Variants in BLVRB observed in about 807,000 individuals in gnomAD.
The protein encoded by BLVRB is biliverdin reductase B.
BLVRB carries 25 observed loss-of-function variants against 21.1 expected under a neutral mutation model. The observed-to-expected ratio is 1.19, with a 90% CI of 0.86 to 1.66. BLVRB has a LOEUF of 1.66. Among genes scored for constraint, BLVRB ranks in the 40% most tolerant of loss-of-function variants. The pLI is 0.00. For synonymous variants in BLVRB, 128 were observed against 122.2 expected (o/e 1.05, Z -0.31); for missense variants, 274 against 282.7 (o/e 0.97, Z 0.22).
chr19:40,450,429 C>CT (rs1403430477), intron 4 of BLVRB: 1 of 147,550 alleles, frequency 6.8e-6, no homozygotes, highest in African/African-American at 2.5e-5. Context: ...GGGGTTTCAC[C>CT]ATGTTAGCCA....
chr19:40,464,088 A>AT (rs1032388709), intron 1 of BLVRB, among the ~76,000 whole-genome samples: 1 of 149,206 alleles, frequency 6.7e-6, no homozygotes, highest in Non-Finnish European at 1.5e-5. Flanking sequence ...CTTTTTATGT[A>AT]TTTTTTTAAA....
intron 3 of BLVRB, chr19:40,457,877 C>T (rs773217911): frequency 4.8e-6 from 2 of 416,240 alleles, no homozygotes; most frequent in South Asian, 3.7e-5. Context: ...GCCCTATCCC[C>T]TCTGCCTGCC....
intron 3 of BLVRB, among the ~76,000 whole-genome samples, chr19:40,453,717 C>T (rs2079750390): frequency 6.6e-6 from 1 of 152,172 alleles, no homozygotes; most frequent in Non-Finnish European, 1.5e-5. Flanking sequence ...AAAGGCTGGG[C>T]AGAGTGGCTC....
chr19:40,461,951 T>C (rs1021770191), intron 1 of BLVRB, among the ~76,000 whole-genome samples: 5 of 152,242 alleles, frequency 3.3e-5, no homozygotes, highest in Non-Finnish European at 7.3e-5. Flanking sequence ...GCCCTCTTTA[T>C]GCTGACCTGC....
chr19:40,457,160 G>A (rs74462426), intron 3 of BLVRB, among the ~76,000 whole-genome samples: 5,630 of 127,138 alleles, frequency 0.044, 168 homozygotes, highest in Non-Finnish European at 0.068. Flanking sequence ...GTGACAGAAA[G>A]TCTCAAAAAA....
At chr19:40,449,261 T>C (rs2079728343) in intron 4 of BLVRB, among the ~76,000 whole-genome samples, 1 of 152,028 alleles carries the variant, frequency 6.6e-6, no homozygotes, top group Non-Finnish European at 1.5e-5. Flanking sequence ...TTTTTTTCTT[T>C]TTTGGATAGA....
intron 3 of BLVRB, among the ~76,000 whole-genome samples, chr19:40,453,858 A>G (rs936568246): frequency 1.3e-5 from 2 of 151,968 alleles, no homozygotes; most frequent in Non-Finnish European, 2.9e-5. Flanking sequence ...AGGCGTGGGG[A>G]CCTGTGGTCT....
intron 4 of BLVRB, 148 bp downstream of exon 4, chr19:40,451,216 A>C: frequency 8.3e-7 from 1 of 1,201,182 alleles, no homozygotes; most frequent in Non-Finnish European, 1.1e-6. Context: ...ATGCCAGGAA[A>C]CAGGGACAAA....
In BLVRB at chr19:40,456,409, C is replaced by T. The variant is rs1042950498; in HGVS notation, c.334+1746G>A. 5.6e-5 allele frequency among the ~76,000 whole-genome samples: 8 copies of T among 142,248 alleles called. 1 individual carries two copies. Among genetic ancestry groups the T allele is most frequent in the Admixed American group, 2.1e-4 (3 of 14,106 alleles). 93.3% of individuals were successfully genotyped at this position (142,248 alleles called of 152,430 possible). A position where few individuals can be genotyped will look rare whatever the true frequency, so the allele number is the denominator to read the frequency against. On this transcript the variant is annotated intron_variant, in intron 3 of 4. Coordinates refer to ENST00000263368, the MANE Select transcript of BLVRB (RefSeq NM_000713.3). Reference sequence around the variant, plus strand: ...CTGCACTCCAGCCTGGGTGACAGAGCGAGACCTTGTCTCTATGTTTGTTTT... The same window carrying T: ...CTGCACTCCAGCCTGGGTGACAGAGTGAGACCTTGTCTCTATGTTTGTTTT...
Position 40,451,476 on chromosome 19 carries a change from G to A in BLVRB, c.351C>T (p.Asp117=). 2 of 1,612,224 alleles carry A rather than the reference G, an allele frequency of 1.2e-6. No individual in the cohort carries two copies. Among genetic ancestry groups the A allele is most frequent in the Non-Finnish European group, 1.7e-6 (2 of 1,179,040 alleles). Residue 117 remains aspartate (D), a synonymous_variant, in exon 4 of 5, where the codon GAC becomes GAT. Coordinates refer to ENST00000263368, the MANE Select transcript of BLVRB (RefSeq NM_000713.3). ...GCAGTCGTGGGGGCACCTTGGTAGG[G>A]TCCCAGAGCAGGAAAGCTGGAGGGA... is the stretch of plus-strand genomic sequence containing the variant. ...VACTSAFLLW[D]PTKVPPRLQA...
At chr19:40,457,341 C>T (rs541371943) in intron 3 of BLVRB, among the ~76,000 whole-genome samples, 11 of 152,168 alleles carry the variant, frequency 7.2e-5, no homozygotes, top group Admixed American at 6.5e-4. Flanking sequence ...TAATTACAAT[C>T]ATCAGGCAGC....
intron 1 of BLVRB, among the ~76,000 whole-genome samples, chr19:40,461,485 T>G (rs2079787186): frequency 6.7e-6 from 1 of 148,760 alleles, no homozygotes; most frequent in African/African-American, 2.5e-5. Flanking sequence ...TCTGCCCTCT[T>G]CACCCACAGC....
intron 3 of BLVRB, among the ~76,000 whole-genome samples, chr19:40,452,775 G>T (rs558354007): frequency 1.1e-4 from 17 of 152,190 alleles, no homozygotes; most frequent in Middle Eastern, 3.4e-3. Flanking sequence ...TGAAGCTGGA[G>T]AATTGCTGGA....
At chr19:40,450,842 G>C (rs80106269) in intron 4 of BLVRB, among the ~76,000 whole-genome samples, 2 of 144,626 alleles carry the variant, frequency 1.4e-5, no homozygotes, top group African/African-American at 2.6e-5. Flanking sequence ...CCTGGCCTAT[G>C]TATCTATCTA....
intron 1 of BLVRB, among the ~76,000 whole-genome samples, chr19:40,460,269 T>TATATATATATATATAC (rs1281133813): frequency 7.1e-6 from 1 of 140,694 alleles, no homozygotes; most frequent in African/African-American, 2.8e-5. Context: ...TATATATATA[T>TATATATATATATATAC]ATATATTTAG....
intron 3 of BLVRB, among the ~76,000 whole-genome samples, chr19:40,456,498 CAAAA>C (rs112529789): frequency 6.8e-6 from 1 of 147,048 alleles, no homozygotes; most frequent in Non-Finnish European, 1.5e-5. Flanking sequence ...ACAATCTAAA[CAAAA>C]AAAAATGAGA....
chr19:40,463,745 C>T (rs1440790284), intron 1 of BLVRB, among the ~76,000 whole-genome samples: 5 of 151,360 alleles, frequency 3.3e-5, no homozygotes, highest in Admixed American at 3.3e-4. Context: ...CCTGGAATTA[C>T]AGGCACGTAC....
intron 3 of BLVRB, among the ~76,000 whole-genome samples, chr19:40,453,311 C>CTGTCCTGTA (rs1568737478): frequency 2.0e-5 from 3 of 152,052 alleles, no homozygotes; most frequent in Non-Finnish European, 4.4e-5. Context: ...TTTAAAATTG[C>CTGTCCTGTA]AAAATCCTGT....
At chr19:40,455,845 G>GGCTC (rs1490624092) in intron 3 of BLVRB, among the ~76,000 whole-genome samples, 17 of 152,044 alleles carry the variant, frequency 1.1e-4, no homozygotes, top group African/African-American at 3.1e-4. Flanking sequence ...CAGGTGCAGT[G>GGCTC]GCTCAGGTGT....
Sources: gnomAD v4.1 joint callset for allele counts (sites outside exome capture counted in the v4.1 genomes callset) on GRCh38, gnomAD v4.1.1 for gene constraint, MANE v1.5 for transcripts, NCBI Gene and HGNC (gene_info 2026-07-23, HGNC 2026-07-21) for gene names.